FNDC3A: variants seen among roughly 807,000 people sequenced by gnomAD.
FNDC3A encodes fibronectin type III domain containing 3A.
Under a neutral mutation model 148.9 loss-of-function variants are expected in FNDC3A, and 32 were observed. The observed-to-expected ratio is 0.21, with a 90% CI of 0.16 to 0.29. The LOEUF is 0.29. Ranked by LOEUF, FNDC3A falls within the 10% of genes least tolerant of loss-of-function variation. FNDC3A has a pLI of 1.00. For missense variants in FNDC3A, 1,191 were observed against 1,452.8 expected (o/e 0.82, Z 2.93); for synonymous variants, 472 against 473.6 (o/e 1.00, Z 0.04).
intron 2 of FNDC3A, among the ~76,000 whole-genome samples, chr13:49,035,574 T>C (rs2137673623): frequency 6.6e-6 from 1 of 152,192 alleles, no homozygotes; most frequent in East Asian, 1.9e-4. Context: ...AAAATGACTT[T>C]ATTTCTGTAG....
At chr13:49,013,603 C>A (rs958151804) in intron 2 of FNDC3A, among the ~76,000 whole-genome samples, 1 of 151,072 alleles carries the variant, frequency 6.6e-6, no homozygotes, top group East Asian at 2.0e-4. Flanking sequence ...TAGATGTACA[C>A]GTGTATACAT....
At chr13:49,033,276 T>C (rs770530167) in intron 2 of FNDC3A, among the ~76,000 whole-genome samples, 1 of 152,208 alleles carries the variant, frequency 6.6e-6, no homozygotes, top group Non-Finnish European at 1.5e-5. Flanking sequence ...ACTGCACTTC[T>C]TTGTTGATTT....
At chr13:49,041,226 T>G (rs1372441138) in intron 2 of FNDC3A, among the ~76,000 whole-genome samples, 1 of 152,218 alleles carries the variant, frequency 6.6e-6, no homozygotes, top group Non-Finnish European at 1.5e-5. Context: ...TCTGTGTATG[T>G]TAATTTCTTC....
chr13:49,096,299 G>A (rs1400706611), intron 3 of FNDC3A, among the ~76,000 whole-genome samples: 1 of 152,062 alleles, frequency 6.6e-6, no homozygotes, highest in Non-Finnish European at 1.5e-5. Flanking sequence ...GAGTTGAGTA[G>A]AGTTAGCATT....
chr13:49,039,430 C>T (rs374951877), intron 2 of FNDC3A, among the ~76,000 whole-genome samples: 29 of 152,246 alleles, frequency 1.9e-4, no homozygotes, highest in Middle Eastern at 3.4e-3. Flanking sequence ...CTTTGTCCTT[C>T]CTCACTCCAG....
At chr13:49,036,276 G>A (rs1346882584) in intron 2 of FNDC3A, among the ~76,000 whole-genome samples, 2 of 152,058 alleles carry the variant, frequency 1.3e-5, no homozygotes, top group South Asian at 2.1e-4. Context: ...TAATACAGTA[G>A]CCATTAACCA....
At chr13:49,166,732 C>G (rs554098805) in intron 8 of FNDC3A, among the ~76,000 whole-genome samples, 1 of 152,298 alleles carries the variant, frequency 6.6e-6, no homozygotes, top group South Asian at 2.1e-4. Context: ...AGCAGGCTTA[C>G]TTCCTTCTCC....
In FNDC3A at chr13:49,006,245, T is replaced by C. The variant is rs1353840560; in HGVS notation, c.55T>C (p.Ser19Pro). Reference protein sequence around the residue: ...DTTQILSSDISLLSAPIVSAD... With the variant: ...DTTQILSSDIPLLSAPIVSAD... The stretch of plus-strand genomic sequence containing the variant: ...AACTCAGATCTTAAGTAGTGATATT[T>C]CTCTTTTGTCTGCCCCTATTGTAAG... The change falls in exon 2 of 26, where the codon TCT becomes CCT. Residue 19 changes from serine (S) to proline (P), a missense_variant. By Grantham distance (74) the Ser-to-Pro change is moderately conservative. Coordinates refer to ENST00000492622, the MANE Select transcript of FNDC3A (RefSeq NM_001079673.2). The C allele has an allele frequency of 6.2e-7, 1 of 1,610,102 alleles. No homozygotes were observed. Among genetic ancestry groups the C allele is most frequent in the Non-Finnish European group, 8.5e-7 (1 of 1,177,024 alleles).
intron 2 of FNDC3A, chr13:49,044,782 GA>G: frequency 2.3e-6 from 1 of 429,074 alleles, no homozygotes; most frequent in Non-Finnish European, 4.7e-6. Flanking sequence ...CAGAAGTCAG[GA>G]AAAGTGCTTT....
intron 1 of FNDC3A, among the ~76,000 whole-genome samples, chr13:48,994,704 G>A (rs1951990828): frequency 6.6e-6 from 1 of 152,098 alleles, no homozygotes; most frequent in African/African-American, 2.4e-5. Flanking sequence ...CTTGAACCTG[G>A]GAAGCGGGGG....
At chr13:48,992,717 T>C (rs1245501264) in intron 1 of FNDC3A, among the ~76,000 whole-genome samples, 1 of 152,198 alleles carries the variant, frequency 6.6e-6, no homozygotes, top group East Asian at 1.9e-4. Context: ...ATGTCAGTTA[T>C]ACCTCAGTAA....
intron 4 of FNDC3A, 42 bp downstream of exon 4, chr13:49,114,773 G>C (rs1290260619): frequency 7.9e-7 from 1 of 1,263,750 alleles, no homozygotes; most frequent in Non-Finnish European, 1.2e-6. Context: ...TTGTATAATA[G>C]TGATAATGTT....
At chr13:49,097,868 C>G (rs1879631298) in intron 3 of FNDC3A, among the ~76,000 whole-genome samples, 1 of 152,034 alleles carries the variant, frequency 6.6e-6, no homozygotes, top group Non-Finnish European at 1.5e-5. Context: ...GAAGAAGTGA[C>G]TATTGGGAAG....
rs567188228 is a variant in FNDC3A at position 48,987,427 on chromosome 13, A to AT, written c.-40+11254dup. ...TTCCTTTGAAGTCTATTTTAACAGG[A>AT]TTTTCATGTTAGTATTAAGGTATAA... On this transcript the variant is annotated intron_variant, in intron 1 of 25. Transcript: ENST00000492622. 2.8e-3 allele frequency among the ~76,000 whole-genome samples: 427 copies of AT among 152,268 alleles called. 2 individuals are homozygous for AT. The highest frequency in any genetic ancestry group is 9.8e-3 in the African/African-American group (406 of 41,554).
In FNDC3A at chr13:49,197,801, G is replaced by A. The variant is rs747205396; in HGVS notation, c.2417G>A (p.Cys806Tyr). The part of the protein sequence containing the change: ...WGGVEGSMQI[C>Y]YCGPGLSYEI... ...GGAGTTGAAGGAAGTATGCAGATAT[G>A]TTACTGTGGGCCTGGTCTCAGTTAT... Residue 806 changes from cysteine (C) to tyrosine (Y), a missense_variant, in exon 21 of 26, where the codon TGT (cysteine) becomes TAT (tyrosine). By Grantham distance (194) the Cys-to-Tyr change is radical. This residue lies in a region of FNDC3A where 751 missense variants were observed against 944.0 expected (regional missense o/e 0.80). Transcript: ENST00000492622. 3.7e-6 allele frequency: 6 copies of A among 1,610,964 alleles called. No homozygotes were observed. Among genetic ancestry groups the A allele is most frequent in the Non-Finnish European group, 5.1e-6 (6 of 1,179,300 alleles).
chr13:48,980,869 G>A (rs911009494), intron 1 of FNDC3A, among the ~76,000 whole-genome samples: 1 of 152,086 alleles, frequency 6.6e-6, no homozygotes, highest in East Asian at 1.9e-4. Context: ...CATATATCAG[G>A]GTTAGTATTA....
chr13:49,207,199 T>C lies in FNDC3A; in HGVS notation c.3401T>C (p.Val1134Ala), dbSNP rs1428409344. Residue 1134 changes from valine (V) to alanine (A), a missense_variant, in exon 26 of 26, where the codon GTA becomes GCA. Val to Ala is a moderately conservative substitution (Grantham distance 64). Transcript: ENST00000492622. ...CQDSLGHQDL[V>A]GPYSTTVLFI... ...GACTCTCTGGGACACCAGGACCTCG[T>C]AGGTCCCTACAGCACCACAGTGCTC... The C allele has an allele frequency of 6.2e-7, 1 of 1,613,842 alleles. No individual in the cohort carries two copies.
intron 4 of FNDC3A, among the ~76,000 whole-genome samples, chr13:49,128,350 AT>A: frequency 6.6e-6 from 1 of 152,170 alleles, no homozygotes; most frequent in East Asian, 1.9e-4. Context: ...AGCAGCCAGA[AT>A]AGTCCTGTCA....
chr13:49,165,017 G>T (rs1014582062), intron 8 of FNDC3A, among the ~76,000 whole-genome samples: 1 of 151,986 alleles, frequency 6.6e-6, no homozygotes, highest in African/African-American at 2.4e-5. Flanking sequence ...TTTCTGTTTG[G>T]TTCTTTCTTA....
Sources: gnomAD v4.1 joint callset for allele counts (sites outside exome capture counted in the v4.1 genomes callset) on GRCh38, gnomAD v4.1.1 for gene constraint, gnomAD v4.1.1 regional missense constraint, MANE v1.5 for transcripts, NCBI Gene and HGNC (gene_info 2026-07-23, HGNC 2026-07-21) for gene names.